Variants in DNAH6 observed in about 807,000 individuals in gnomAD.
The protein encoded by DNAH6 is dynein axonemal heavy chain 6.
In DNAH6, 340 loss-of-function variants were observed where a neutral mutation model predicts 491.4. The observed-to-expected ratio is 0.69, with a 90% CI of 0.63 to 0.76. The LOEUF is 0.76. DNAH6 is among the 30% of genes least tolerant of loss of function. The pLI, the probability that DNAH6 is intolerant of heterozygous loss-of-function variation, is 0.00. For missense variants in DNAH6, 4,443 were observed against 4,972.2 expected, an observed-to-expected ratio of 0.89 and a Z score of 3.20; for synonymous variants, 1,603 against 1,686.1, an observed-to-expected ratio of 0.95 and a Z score of 1.21.
At chr2:84,532,412 A>G (rs1372693440) in intron 4 of DNAH6, among the ~76,000 whole-genome samples, 1 of 152,168 alleles carries the variant, frequency 6.6e-6, no homozygotes, top group Admixed American at 6.5e-5. Flanking sequence ...GTGAGTAAAG[A>G]CAATTATTTG....
Position 84,637,389 on chromosome 2 carries a change from A to G in DNAH6, c.4821+12A>G. The G allele has an allele frequency of 6.6e-7, 1 of 1,508,006 alleles. No homozygotes were observed. Among genetic ancestry groups the G allele is most frequent in the African/African-American group, 1.4e-5 (1 of 71,534 alleles). The allele number at this position is 1,508,006 out of a possible 1,614,324, so 93.4% of individuals were successfully genotyped here. On this transcript the variant is annotated intron_variant, in intron 31 of 76. Coordinates refer to ENST00000389394, the MANE Select transcript of DNAH6 (RefSeq NM_001370.2). ...CCTTGATTGCAGAGGTGAGCATCAC[A>G]TTATAAAGCAGCAGAAATGTAAACT...
In DNAH6 at chr2:84,593,982, C is replaced by A; in HGVS notation, c.2621C>A (p.Ser874Tyr). The change falls in exon 17 of 77, where the codon TCC becomes TAC. Residue 874 changes from serine to tyrosine, a missense_variant. Transcript: ENST00000389394. ...ACTACATTTTTAAAGGTAGAAGTGT[C>A]CAAGTTTGAAGCTTTGGAAGAAGTC... ...SYQKNFKVEV[S>Y]KFEALEEVSA... 3 of 1,545,746 alleles carry A rather than the reference C, an allele frequency of 1.9e-6. No homozygotes were observed. The highest frequency in any genetic ancestry group is 2.6e-6 in the Non-Finnish European group (3 of 1,143,588).
At chr2:84,646,863 G>T (rs1038411698) in intron 33 of DNAH6, among the ~76,000 whole-genome samples, 5 of 152,030 alleles carry the variant, frequency 3.3e-5, no homozygotes, top group African/African-American at 9.7e-5. Context: ...TTGTTTGTTT[G>T]CTTTGAGATA....
At chr2:84,461,633 A>C in the DNAH6 span, among the ~76,000 whole-genome samples, 3 of 152,368 alleles carry the variant, frequency 2.0e-5, no homozygotes, top group Non-Finnish European at 2.9e-5. Flanking sequence ...TAATACATTT[A>C]GTATATAAAG....
intron 67 of DNAH6, among the ~76,000 whole-genome samples, chr2:84,786,101 A>AGACT (rs1677152429): frequency 6.7e-6 from 1 of 150,246 alleles, no homozygotes; most frequent in South Asian, 2.1e-4. Flanking sequence ...AGAGAAAGAA[A>AGACT]GAATGAATGA....
intron 37 of DNAH6, among the ~76,000 whole-genome samples, chr2:84,659,491 G>T (rs1240915434): frequency 6.6e-6 from 1 of 152,104 alleles, no homozygotes; most frequent in Non-Finnish European, 1.5e-5. Context: ...CTGAATTGCT[G>T]GAATGTACTT....
chr2:84,550,567 C>CA (rs1211812149), intron 9 of DNAH6, among the ~76,000 whole-genome samples: 1 of 152,116 alleles, frequency 6.6e-6, no homozygotes, highest in East Asian at 1.9e-4. Context: ...AGCATATCAA[C>CA]AAGTATCTAA....
chr2:84,721,343 C>A (rs2104927668), intron 59 of DNAH6, among the ~76,000 whole-genome samples: 1 of 152,202 alleles, frequency 6.6e-6, no homozygotes, highest in Non-Finnish European at 1.5e-5. Flanking sequence ...CCTTTATTTC[C>A]CCTTCAGCTC....
At chr2:84,534,009 T>C (rs1007620491) in intron 4 of DNAH6, among the ~76,000 whole-genome samples, 3 of 152,104 alleles carry the variant, frequency 2.0e-5, no homozygotes, top group African/African-American at 7.2e-5. Flanking sequence ...ACACTACCCA[T>C]CATTCAGATG....
chr2:84,617,791 C>G (rs1339356497), intron 23 of DNAH6, among the ~76,000 whole-genome samples: 2 of 152,054 alleles, frequency 1.3e-5, no homozygotes, highest in Non-Finnish European at 2.9e-5. Context: ...GGTGGGGATG[C>G]ATGTTAAGCT....
At chr2:84,818,443 C>CTG (rs1680698750) in intron 76 of DNAH6, among the ~76,000 whole-genome samples, 1 of 126,050 alleles carries the variant, frequency 7.9e-6, no homozygotes, top group Non-Finnish European at 1.6e-5. Context: ...CATAATCAAA[C>CTG]CACTGCACTC....
chr2:84,670,648 C>G (rs903863696), intron 39 of DNAH6, among the ~76,000 whole-genome samples, 173 bp downstream of exon 39: 1 of 152,156 alleles, frequency 6.6e-6, no homozygotes, highest in African/African-American at 2.4e-5. Context: ...CTTAGTGTTG[C>G]CAAGCAAGTC....
chr2:84,758,038 A>G (rs1038382716), intron 63 of DNAH6, among the ~76,000 whole-genome samples: 2 of 152,222 alleles, frequency 1.3e-5, no homozygotes, highest in Non-Finnish European at 2.9e-5. Context: ...AAAATGTTTC[A>G]TAAAGAAAAT....
rs144097181 is a variant in DNAH6, at chr2:84,746,333, A to C, written c.10512+1084A>C. Among the ~76,000 whole-genome samples the C allele has an allele frequency of 7.1e-3, 1,087 of 152,256 alleles. 12 individuals are homozygous for C. Among genetic ancestry groups the C allele is most frequent in the African/African-American group, 0.024 (1,003 of 41,538 alleles). The stretch of plus-strand genomic sequence containing the variant: ...TGATTGCCACCAACTTTTAAAAGGC[A>C]GAGAGAAAGGATAAGGAGCCCATGA... On this transcript the variant is annotated intron_variant, in intron 63 of 76. Coordinates refer to ENST00000389394, the MANE Select transcript of DNAH6 (RefSeq NM_001370.2).
At chr2:84,722,886 C>CAAGTTATCAGGTAACTAGA in intron 60 of DNAH6, 82 bp downstream of exon 60, 1 of 865,954 alleles carries the variant, frequency 1.2e-6, no homozygotes, top group South Asian at 2.2e-5. Flanking sequence ...TTCACATAAG[C>CAAGTTATCAGGTAACTAGA]CATAAGTCTA....
intron 62 of DNAH6, among the ~76,000 whole-genome samples, chr2:84,738,009 C>G (rs905173600): frequency 1.3e-5 from 2 of 152,088 alleles, no homozygotes. Context: ...TCCTTTAACA[C>G]TGCTTTGCTG....
intron 47 of DNAH6, 87 bp downstream of exon 47, chr2:84,697,814 G>A: frequency 7.1e-7 from 1 of 1,398,606 alleles, no homozygotes; most frequent in South Asian, 1.3e-5. Context: ...GCCTGAAGGG[G>A]TCCATGAATA....
Position 84,797,537 on chromosome 2 carries a change from G to A in DNAH6, c.11360G>A (p.Gly3787Asp). 1.3e-6 allele frequency: 2 copies of A among 1,549,220 alleles called. No homozygotes were observed. The highest frequency in any genetic ancestry group is 1.7e-4 in the Middle Eastern group (1 of 5,974). The change falls in exon 70 of 77, where the codon GGC (glycine) becomes GAC (aspartate). Residue 3787 changes from glycine to aspartate, a missense_variant and splice_region_variant. Transcript: ENST00000389394. ...LEEDYKYSESGIYFAPMADSL... is the reference protein window; with the variant it reads ...LEEDYKYSESDIYFAPMADSL... The stretch of plus-strand genomic sequence containing the variant: ...TTGTCTTCTGTGTTTTTAATAACAG[G>A]CATCTATTTTGCACCCATGGCTGAC...
intron 11 of DNAH6, among the ~76,000 whole-genome samples, chr2:84,558,545 C>T (rs1001410914): frequency 2.0e-5 from 3 of 152,080 alleles, no homozygotes; most frequent in Admixed American, 6.6e-5. Flanking sequence ...TGCTGAGACA[C>T]AGGCAGAGCC....
Sources: gnomAD v4.1 joint callset for allele counts (sites outside exome capture counted in the v4.1 genomes callset) on GRCh38, gnomAD v4.1.1 for gene constraint, MANE v1.5 for transcripts, NCBI Gene and HGNC (gene_info 2026-07-23, HGNC 2026-07-21) for gene names.